The following SWT1 variants were observed in gnomAD, a reference collection of about 807,000 sequenced individuals.
The protein encoded by SWT1 is SWT1 RNA endoribonuclease homolog.
A neutral mutation model predicts 107.3 loss-of-function variants in SWT1; 33 were observed. The ratio of observed to expected loss-of-function variants is 0.31; its 90% confidence interval spans 0.23 to 0.41. SWT1 has a LOEUF of 0.41. Among genes scored for constraint, SWT1 ranks in the 10% least tolerant of loss-of-function variants. SWT1 has a pLI of 1.00. For missense variants in SWT1, 898 were observed against 1,028.9 expected (o/e 0.87, Z 1.74); for synonymous variants, 345 against 348.3 (o/e 0.99, Z 0.11).
At chr1:185,169,228 T>TA (rs971806832) in intron 4 of SWT1, among the ~76,000 whole-genome samples, 1 of 152,130 alleles carries the variant, frequency 6.6e-6, no homozygotes, top group Middle Eastern at 3.2e-3. Context: ...TTATGTTGAC[T>TA]ATCCCTTGCT....
At chr1:185,195,128 C>G (rs918451723) in intron 10 of SWT1, among the ~76,000 whole-genome samples, 1 of 152,236 alleles carries the variant, frequency 6.6e-6, no homozygotes, top group African/African-American at 2.4e-5. Context: ...AAGTATTTCT[C>G]CTAATGCTAT....
chr1:185,184,728 C>A lies in SWT1; in HGVS notation c.1241-15C>A. ...AAATGTTTGTTAAATTCTAAGAAAT[C>A]TTTTTATTTTTTAGGTTTTGACAAA... is the stretch of plus-strand genomic sequence containing the variant. On this transcript the variant is annotated splice_polypyrimidine_tract_variant and intron_variant, in intron 8 of 18. Transcript: ENST00000367500. The A allele has an allele frequency of 1.3e-6, 2 of 1,591,624 alleles. No individual in the cohort carries two copies. Among genetic ancestry groups the A allele is most frequent in the Non-Finnish European group, 1.7e-6 (2 of 1,167,304 alleles).
chr1:185,163,951 C>G (rs1571386361), intron 2 of SWT1, among the ~76,000 whole-genome samples: 1 of 152,252 alleles, frequency 6.6e-6, no homozygotes, highest in East Asian at 1.9e-4. Context: ...TTGCCTGGAT[C>G]CATCAGAGGA....
At chr1:185,236,152 C>T (rs552080940) in intron 16 of SWT1, among the ~76,000 whole-genome samples, 6 of 152,146 alleles carry the variant, frequency 3.9e-5, no homozygotes, top group Admixed American at 2.0e-4. Flanking sequence ...ACTGCTATTC[C>T]GATCAAGCTA....
chr1:185,204,634 AC>A (rs1658164874), intron 11 of SWT1, 65 bp from the exon 12 acceptor site: 1 of 797,472 alleles, frequency 1.3e-6, no homozygotes, highest in African/African-American at 1.9e-5. Flanking sequence ...ATGGCAATAT[AC>A]TAATTATATG....
chr1:185,221,637 G>T (rs573447569), intron 14 of SWT1, among the ~76,000 whole-genome samples: 4 of 152,264 alleles, frequency 2.6e-5, no homozygotes, highest in African/African-American at 9.6e-5. Context: ...ATCATTATAA[G>T]TAGATTGGAA....
chr1:185,180,293 A>G lies in SWT1; in HGVS notation c.967-98A>G, dbSNP rs903596771. 3 of 945,550 alleles carry G rather than the reference A, an allele frequency of 3.2e-6. No homozygotes were observed. The African/African-American group carries it at 4.8e-5, about 15-fold the overall frequency. 58.6% of individuals were successfully genotyped at this position (945,550 alleles called of 1,614,324 possible). On this transcript the variant is annotated intron_variant, in intron 5 of 18. Transcript: ENST00000367500. ...CTGCAATATACAGGGCAACCCCTAA[A>G]GTGAATTATCTGACCCTGAAGGTTA... is the stretch of plus-strand genomic sequence containing the variant.
intron 16 of SWT1, among the ~76,000 whole-genome samples, chr1:185,268,030 C>T (rs1373002691): frequency 6.6e-6 from 1 of 152,150 alleles, no homozygotes; most frequent in Non-Finnish European, 1.5e-5. Flanking sequence ...TTCTCATATT[C>T]AGAGTTCATA....
intron 5 of SWT1, among the ~76,000 whole-genome samples, chr1:185,175,935 G>A (rs1283733425): frequency 6.6e-6 from 1 of 152,150 alleles, no homozygotes; most frequent in African/African-American, 2.4e-5. Flanking sequence ...CTTAATAAGA[G>A]AATACACAGC....
chr1:185,207,918 A>G (rs1401860499), intron 13 of SWT1, among the ~76,000 whole-genome samples: 5 of 152,162 alleles, frequency 3.3e-5, no homozygotes, highest in African/African-American at 1.2e-4. Context: ...CATATATATA[A>G]TATAAATAAG....
intron 16 of SWT1, chr1:185,263,655 C>A (rs748929816): frequency 6.6e-6 from 1 of 152,240 alleles, no homozygotes; most frequent in Non-Finnish European, 1.5e-5. Flanking sequence ...GCTGTCTTTT[C>A]ATCAGTCAGA....
intron 2 of SWT1, among the ~76,000 whole-genome samples, chr1:185,163,262 A>G (rs1220560745): frequency 6.6e-6 from 1 of 152,078 alleles, no homozygotes; most frequent in Non-Finnish European, 1.5e-5. Context: ...CTCAAACCCT[A>G]TGTAATATTA....
chr1:185,285,297 A>G (rs1406970208), intron 18 of SWT1, among the ~76,000 whole-genome samples: 1 of 152,152 alleles, frequency 6.6e-6, no homozygotes, highest in Non-Finnish European at 1.5e-5. Context: ...GTAATGAAAC[A>G]CTGGAGAACT....
In SWT1 at chr1:185,290,976, T is replaced by C. The variant is rs1254172875; in HGVS notation, c.*173T>C. ...CTCATTGTAGCTCTAAAAAGCCTAATGTATCCACTGTGGAATAAACTCCAT... is the reference window on the plus strand; with the variant it reads ...CTCATTGTAGCTCTAAAAAGCCTAACGTATCCACTGTGGAATAAACTCCAT... On this transcript the variant is annotated 3_prime_UTR_variant, in exon 19 of 19. Transcript: ENST00000367500. The C allele has an allele frequency of 4.8e-6, 2 of 417,800 alleles. No homozygotes were observed. Among genetic ancestry groups the C allele is most frequent in the African/African-American group, 4.1e-5 (2 of 48,394 alleles). 25.9% of individuals were successfully genotyped at this position (417,800 alleles called of 1,614,324 possible). A position where few individuals can be genotyped will look rare whatever the true frequency, so the allele number is the denominator to read the frequency against.
chr1:185,266,343 C>A (rs962297225), intron 16 of SWT1, among the ~76,000 whole-genome samples: 9 of 152,220 alleles, frequency 5.9e-5, no homozygotes, highest in African/African-American at 2.2e-4. Flanking sequence ...GGATTACAGG[C>A]GTGAGCCACC....
chr1:185,185,022 C>G, intron 9 of SWT1, 91 bp downstream of exon 9: 1 of 879,832 alleles, frequency 1.1e-6, no homozygotes, highest in South Asian at 3.1e-5. Flanking sequence ...ACTTTTAAAA[C>G]ATTTAAACCC....
chr1:185,283,200 A>G (rs529486628), intron 18 of SWT1, among the ~76,000 whole-genome samples: 4 of 152,206 alleles, frequency 2.6e-5, no homozygotes, highest in African/African-American at 9.6e-5. Flanking sequence ...AAGATTTTAG[A>G]TTAAAGTAGC....
chr1:185,212,903 G>A (rs1158415972), intron 13 of SWT1, among the ~76,000 whole-genome samples: 1 of 151,936 alleles, frequency 6.6e-6, no homozygotes, highest in East Asian at 1.9e-4. Flanking sequence ...TTCAGCTGTT[G>A]AATTATATAT....
chr1:185,287,101 C>T (rs1664991616), intron 18 of SWT1, among the ~76,000 whole-genome samples: 1 of 151,988 alleles, frequency 6.6e-6, no homozygotes, highest in African/African-American at 2.4e-5. Flanking sequence ...AACACATATC[C>T]ATTATAGACC....
Sources: gnomAD v4.1 joint callset for allele counts (sites outside exome capture counted in the v4.1 genomes callset) on GRCh38, gnomAD v4.1.1 for gene constraint, MANE v1.5 for transcripts, NCBI Gene and HGNC (gene_info 2026-07-23, HGNC 2026-07-21) for gene names.